The following NF2 variants were observed in gnomAD, a reference collection of about 807,000 sequenced individuals.
NF2 encodes NF2, moesin-ezrin-radixin like (MERLIN) tumor suppressor.
Under a neutral mutation model 83.7 loss-of-function variants are expected in NF2, and 8 were observed. The ratio of observed to expected loss-of-function variants is 0.10; its 90% CI spans 0.06 to 0.17. The LOEUF (loss-of-function observed/expected upper bound fraction) is 0.17, where lower values mean the gene tolerates loss of function less well. Ranked by LOEUF, NF2 falls within the 10% of genes least tolerant of loss-of-function variation. NF2 has a pLI of 1.00. For synonymous variants in NF2, 266 were observed against 269.6 expected (o/e 0.99, Z 0.13); for missense variants, 533 against 744.4 (o/e 0.72, Z 3.31).
Position 29,636,882 on chromosome 22 carries a change from G to C in NF2, c.240+6G>C, listed in dbSNP as rs771417406. Reference sequence around the variant, plus strand: ...GGCTCAAAATGGACAAGAAGGTTGGGCTAGAACTCGATGAAACTGGTGGGG... The same window carrying C: ...GGCTCAAAATGGACAAGAAGGTTGGCCTAGAACTCGATGAAACTGGTGGGG... On this transcript the variant is annotated splice_donor_region_variant and intron_variant, in intron 2 of 15. Coordinates refer to ENST00000338641, the MANE Select transcript of NF2 (RefSeq NM_000268.4). The surrounding 1 kb of genome is among the most constrained non-coding windows in gnomAD (Gnocchi z 4.4). The C allele has an allele frequency of 5.0e-6, 8 of 1,614,026 alleles. No homozygotes were observed. The highest frequency in any genetic ancestry group is 1.3e-5 in the African/African-American group (1 of 75,052).
At chr22:29,663,216 C>T in intron 8 of NF2, among the ~76,000 whole-genome samples, 1 of 152,162 alleles carries the variant, frequency 6.6e-6, no homozygotes, top group African/African-American at 2.4e-5. Flanking sequence ...TTTTTCATCT[C>T]CCAATTTCAT....
intron 6 of NF2, 25 bp from the exon 7 acceptor site, chr22:29,658,164 A>T (rs2146988755): frequency 1.2e-6 from 2 of 1,611,048 alleles, no homozygotes; most frequent in Non-Finnish European, 1.7e-6. Context: ...AGCTCCAATG[A>T]CAGTGTCTTC....
chr22:29,696,188 C>T lies in NF2; in HGVS notation c.*1386C>T, dbSNP rs1480483688. On this transcript the variant is annotated 3_prime_UTR_variant, in exon 16 of 16. Transcript: ENST00000338641. ...TCCTGAGTTCAAGCAATTCTCCTGC[C>T]TCAGCCTCCCAAGTAGCTGGGACTA... 4.5e-6 allele frequency: 1 copy of T among 220,170 alleles called. No homozygotes were observed. The highest frequency in any genetic ancestry group is 9.1e-6 in the Non-Finnish European group (1 of 110,206). 13.6% of individuals were successfully genotyped at this position (220,170 alleles called of 1,614,324 possible).
chr22:29,668,724 C>T (rs895044599), intron 10 of NF2, among the ~76,000 whole-genome samples: 7 of 152,214 alleles, frequency 4.6e-5, no homozygotes, highest in Admixed American at 4.6e-4. Context: ...GATGAAATAG[C>T]CAAGAGTGCA....
rs142797364 is a variant in NF2, at chr22:29,697,643, C to T, written c.*2841C>T. On this transcript the variant is annotated 3_prime_UTR_variant, in exon 16 of 16. Transcript: ENST00000338641. ...GTGCAATGGCGTGATCTCGGCTCACCGCAACCTCCGCCTCCCGGATTCAAG... is the reference window on the plus strand; with the variant it reads ...GTGCAATGGCGTGATCTCGGCTCACTGCAACCTCCGCCTCCCGGATTCAAG... 761 of 173,740 alleles carry T rather than the reference C, an allele frequency of 4.4e-3. 2 individuals carry two copies. The highest frequency in any genetic ancestry group is 7.0e-3 in the Non-Finnish European group (565 of 80,562). 10.8% of individuals were successfully genotyped at this position (173,740 alleles called of 1,614,324 possible). A position where few individuals can be genotyped will look rare whatever the true frequency, so the allele number is the denominator to read the frequency against.
chr22:29,680,667 C>T (rs1569311193), intron 14 of NF2, among the ~76,000 whole-genome samples: 1 of 152,108 alleles, frequency 6.6e-6, no homozygotes, highest in African/African-American at 2.4e-5. Context: ...TCTTTTCTTC[C>T]TTGCGTTGGG....
chr22:29,643,695 T>C (rs1195490828), intron 4 of NF2, among the ~76,000 whole-genome samples: 1 of 152,240 alleles, frequency 6.6e-6, no homozygotes, highest in Non-Finnish European at 1.5e-5. Flanking sequence ...TACTTCTTTC[T>C]ACACAGACAC....
intron 1 of NF2, among the ~76,000 whole-genome samples, chr22:29,616,146 T>C (rs1331770957): frequency 1.3e-5 from 2 of 152,114 alleles, no homozygotes; most frequent in East Asian, 3.8e-4. Context: ...AGATCAGTGG[T>C]TGTTCAGGGC....
intron 4 of NF2, among the ~76,000 whole-genome samples, chr22:29,649,089 G>A (rs1601602760): frequency 6.6e-6 from 1 of 151,896 alleles, no homozygotes; most frequent in Non-Finnish European, 1.5e-5. Context: ...TAGATATCAA[G>A]ACATGGTATA....
Position 29,603,916 on chromosome 22 carries a change from G to A in NF2, c.-83G>A, listed in dbSNP as rs984024793. 4 of 1,091,438 alleles carry A rather than the reference G, an allele frequency of 3.7e-6. No individual in the cohort carries two copies. Among genetic ancestry groups the A allele is most frequent in the Non-Finnish European group, 5.4e-6 (4 of 744,256 alleles). The allele number at this position is 1,091,438 out of a possible 1,614,324, so 67.6% of individuals were successfully genotyped here. On this transcript the variant is annotated 5_prime_UTR_variant, in exon 1 of 16. Coordinates refer to ENST00000338641, the MANE Select transcript of NF2 (RefSeq NM_000268.4). The stretch of plus-strand genomic sequence containing the variant: ...AGCCGGCCACCATGGTGGCCCTGAG[G>A]CCTGTGCAGCAACTCCAGGGGGGCT...
Position 29,651,899 on chromosome 22 carries a change from T to C in NF2, c.448-2758T>C, listed in dbSNP as rs1002582960. 5.9e-5 allele frequency among the ~76,000 whole-genome samples: 9 copies of C among 152,306 alleles called. 1 individual carries two copies. The highest frequency in any genetic ancestry group is 4.1e-4 in the South Asian group (2 of 4,832). ...CTGTTGAGAGATTTGCAAATGCAAC[T>C]AACAGGGCTTTCTTTTAGCATCCTA... On this transcript the variant is annotated intron_variant, in intron 4 of 15. Coordinates refer to ENST00000338641, the MANE Select transcript of NF2 (RefSeq NM_000268.4).
chr22:29,658,114 G>A, intron 6 of NF2, 75 bp from the exon 7 acceptor site: 4 of 1,378,050 alleles, frequency 2.9e-6, no homozygotes, highest in Non-Finnish European at 4.1e-6. Flanking sequence ...GGGTCAGAAT[G>A]CTTGATTTGG....
At chr22:29,655,963 G>A (rs368792720) in intron 6 of NF2, among the ~76,000 whole-genome samples, 31 of 149,830 alleles carry the variant, frequency 2.1e-4, no homozygotes, top group African/African-American at 7.1e-4. Context: ...TTTTGAGACA[G>A]AGTCTTGCTC....
At chr22:29,615,729 A>G (rs2065066519) in intron 1 of NF2, among the ~76,000 whole-genome samples, 1 of 152,150 alleles carries the variant, frequency 6.6e-6, no homozygotes, top group Non-Finnish European at 1.5e-5. Context: ...AGTGAGACCC[A>G]GTCTCAAAAA....
chr22:29,660,321 A>T (rs989646110), intron 7 of NF2, among the ~76,000 whole-genome samples: 3 of 152,174 alleles, frequency 2.0e-5, no homozygotes, highest in African/African-American at 7.2e-5. Context: ...ATTCTTTTTG[A>T]TATGTATTTC....
intron 1 of NF2, among the ~76,000 whole-genome samples, chr22:29,607,199 G>A (rs942941090): frequency 6.6e-6 from 1 of 152,196 alleles, no homozygotes; most frequent in African/African-American, 2.4e-5. Context: ...AATTTGAAAA[G>A]TAAGGTATGT....
rs145301026 is a variant in NF2 at position 29,650,544 on chromosome 22, CTCTT to C, written c.448-4105_448-4102del. Among the ~76,000 whole-genome samples, 742 of 151,572 alleles carry C rather than the reference CTCTT, an allele frequency of 4.9e-3. 3 individuals are homozygous for C. Among genetic ancestry groups the C allele is most frequent in the South Asian group, 0.023 (112 of 4,786 alleles). Reference sequence around the variant, plus strand: ...TCTTTCTTTTTCTTTCTTTCTCTTTCTCTTTCTTTCTCTCTCTCTCTCCTTCCTC... The same window carrying C: ...TCTTTCTTTTTCTTTCTTTCTCTTTCTCTTTCTCTCTCTCTCTCCTTCCTC... On this transcript the variant is annotated intron_variant, in intron 4 of 15. Coordinates refer to ENST00000338641, the MANE Select transcript of NF2 (RefSeq NM_000268.4).
At chr22:29,692,439 G>A (rs1158742736) in intron 15 of NF2, among the ~76,000 whole-genome samples, 2 of 152,194 alleles carry the variant, frequency 1.3e-5, no homozygotes, top group Non-Finnish European at 2.9e-5. Context: ...GCACATGCTC[G>A]AGTCACTGGA....
At chr22:29,676,276 C>T (rs904123624) in intron 13 of NF2, among the ~76,000 whole-genome samples, 19 of 152,012 alleles carry the variant, frequency 1.2e-4, no homozygotes, top group Non-Finnish European at 2.4e-4. Context: ...TAGGCTCAAG[C>T]GATCTTCCCG....
Sources: allele counts gnomAD v4.1 joint callset (sites outside exome capture counted in the v4.1 genomes callset), GRCh38; gene constraint gnomAD v4.1.1; non-coding constraint Gnocchi (gnomAD v3.1); transcripts MANE v1.5; gene names NCBI Gene and HGNC (gene_info 2026-07-23, HGNC 2026-07-21).